Variants in AGMO observed in about 807,000 individuals in gnomAD.
The protein encoded by AGMO is alkylglycerol monooxygenase.
In AGMO, 75 loss-of-function variants were observed where a neutral mutation model predicts 60.2. The ratio of observed to expected loss-of-function variants is 1.25; its 90% confidence interval spans 1.03 to 1.51. AGMO has a LOEUF of 1.51. AGMO is among the 40% of genes most tolerant of loss of function. The pLI is 0.00. For missense variants in AGMO, 763 were observed against 525.5 expected, an observed-to-expected ratio of 1.45 and a Z score of -4.42; for synonymous variants, 261 against 177.1, an observed-to-expected ratio of 1.47 and a Z score of -3.76.
chr7:15,191,817 C>T, the AGMO span, among the ~76,000 whole-genome samples: 1 of 152,084 alleles, frequency 6.6e-6, no homozygotes, highest in East Asian at 1.9e-4. Context: ...TCTGACTCTT[C>T]AGCCTAGACA....
the AGMO span, among the ~76,000 whole-genome samples, chr7:15,120,878 A>G: frequency 6.6e-6 from 1 of 152,126 alleles, no homozygotes; most frequent in African/African-American, 2.4e-5. Context: ...ACAAGTATAC[A>G]CGTGCCACAG....
chr7:15,472,351 G>A (rs1326832909), intron 3 of AGMO, among the ~76,000 whole-genome samples: 2 of 151,870 alleles, frequency 1.3e-5, no homozygotes, highest in Non-Finnish European at 2.9e-5. Flanking sequence ...TTCTTAAAAG[G>A]AAAGATCTTC....
intron 3 of AGMO, among the ~76,000 whole-genome samples, chr7:15,487,877 A>G (rs552789992): frequency 6.6e-6 from 1 of 152,300 alleles, no homozygotes; most frequent in East Asian, 1.9e-4. Context: ...TTCACCTACA[A>G]TGTGATTAGA....
chr7:15,148,481 C>T, the AGMO span, among the ~76,000 whole-genome samples: 1 of 152,028 alleles, frequency 6.6e-6, no homozygotes, highest in African/African-American at 2.4e-5. Flanking sequence ...TCATCCTCCT[C>T]CCATGGACCA....
At chr7:15,295,495 T>C (rs1315402320) in intron 12 of AGMO, among the ~76,000 whole-genome samples, 1 of 151,938 alleles carries the variant, frequency 6.6e-6, no homozygotes, top group Non-Finnish European at 1.5e-5. Context: ...AAAGAAGAAA[T>C]GTGGGTGATA....
In AGMO at chr7:15,443,655, T is replaced by C. The variant is rs141861992; in HGVS notation, c.410-12547A>G. ...CTGTCCATGTGCACTCAAAATCTAGTGCAGGCATCAGCAAACTGTCACCAT... is the reference window on the plus strand; with the variant it reads ...CTGTCCATGTGCACTCAAAATCTAGCGCAGGCATCAGCAAACTGTCACCAT... On this transcript the variant is annotated intron_variant, in intron 3 of 12. Transcript: ENST00000342526. 7.2e-5 allele frequency among the ~76,000 whole-genome samples: 11 copies of C among 152,290 alleles called. No homozygotes were observed. In the East Asian group the frequency reaches 2.1e-3, roughly 29 times the overall value.
At chr7:15,207,706 G>A (rs1212630360) in intron 12 of AGMO, among the ~76,000 whole-genome samples, 1 of 152,140 alleles carries the variant, frequency 6.6e-6, no homozygotes, top group African/African-American at 2.4e-5. Flanking sequence ...AGACCAAGGT[G>A]GGCAGATCAC....
intron 2 of AGMO, among the ~76,000 whole-genome samples, chr7:15,547,476 G>C (rs545565142): frequency 6.6e-6 from 1 of 152,210 alleles, no homozygotes; most frequent in South Asian, 2.1e-4. Context: ...TGCGCGAGCC[G>C]AAGCAGGGCA....
At chr7:15,188,439 A>G in the AGMO span, among the ~76,000 whole-genome samples, 1 of 152,236 alleles carries the variant, frequency 6.6e-6, no homozygotes, top group Non-Finnish European at 1.5e-5. Flanking sequence ...ACAATAGTAT[A>G]GTAATATGTC....
At chr7:15,211,895 A>G (rs531150188) in intron 12 of AGMO, among the ~76,000 whole-genome samples, 1 of 152,154 alleles carries the variant, frequency 6.6e-6, no homozygotes, top group African/African-American at 2.4e-5. Context: ...AAAGAATAAC[A>G]TTCAACAAAG....
At chr7:15,553,426 G>T (rs1315861502) in intron 2 of AGMO, among the ~76,000 whole-genome samples, 1 of 152,036 alleles carries the variant, frequency 6.6e-6, no homozygotes, top group East Asian at 1.9e-4. Flanking sequence ...AATGGCTTAA[G>T]TATTAGCACA....
chr7:15,464,059 G>A (rs370109467), intron 3 of AGMO, among the ~76,000 whole-genome samples: 6 of 152,226 alleles, frequency 3.9e-5, no homozygotes, highest in South Asian at 2.1e-4. Context: ...TAATAGCCAC[G>A]GAGATTTCTT....
At chr7:15,159,301 A>G in the AGMO span, among the ~76,000 whole-genome samples, 1 of 152,166 alleles carries the variant, frequency 6.6e-6, no homozygotes, top group East Asian at 1.9e-4. Flanking sequence ...GTTGAAATAA[A>G]CTTTTCAAAT....
At chr7:15,389,760 T>A (rs1334135655) in intron 8 of AGMO, among the ~76,000 whole-genome samples, 2 of 152,178 alleles carry the variant, frequency 1.3e-5, no homozygotes. Flanking sequence ...GTTTCCTCCA[T>A]CAGAAAATGG....
At chr7:15,207,410 T>A (rs987119456) in intron 12 of AGMO, among the ~76,000 whole-genome samples, 1 of 152,236 alleles carries the variant, frequency 6.6e-6, no homozygotes, top group Non-Finnish European at 1.5e-5. Context: ...TCTAAGAGAA[T>A]GACAACTCAA....
chr7:15,280,737 T>C (rs147582873), intron 12 of AGMO, among the ~76,000 whole-genome samples: 41 of 152,270 alleles, frequency 2.7e-4, no homozygotes, highest in African/African-American at 9.1e-4. Context: ...AGAAGAAAAC[T>C]TGTATGTGAC....
At chr7:15,411,816 A>T (rs913478828) in intron 5 of AGMO, among the ~76,000 whole-genome samples, 15 of 151,860 alleles carry the variant, frequency 9.9e-5, no homozygotes, top group African/African-American at 3.6e-4. Context: ...TTCTTTCTTG[A>T]TGTGTTATTT....
At chr7:15,367,849 C>T (rs1783046322) in intron 10 of AGMO, among the ~76,000 whole-genome samples, 1 of 152,038 alleles carries the variant, frequency 6.6e-6, no homozygotes, top group East Asian at 1.9e-4. Context: ...CTTTGTTTCC[C>T]CTTGAAATGA....
chr7:15,223,366 G>C (rs2128497527), intron 12 of AGMO, among the ~76,000 whole-genome samples: 1 of 151,926 alleles, frequency 6.6e-6, no homozygotes, highest in Non-Finnish European at 1.5e-5. Context: ...TGATATCATT[G>C]CATTATATTG....
Sources: allele counts gnomAD v4.1 joint callset (sites outside exome capture counted in the v4.1 genomes callset), GRCh38; gene constraint gnomAD v4.1.1; transcripts MANE v1.5; gene names NCBI Gene and HGNC (gene_info 2026-07-23, HGNC 2026-07-21).